FRMD4A: variants seen among roughly 807,000 people sequenced by gnomAD.
FRMD4A encodes the protein FERM domain containing 4A.
Under a neutral mutation model 129.1 loss-of-function variants are expected in FRMD4A, and 29 were observed. The observed-to-expected ratio is 0.22, with a 90% CI of 0.17 to 0.31. The LOEUF is 0.31. FRMD4A is among the 10% of genes least tolerant of loss of function. The pLI is 1.00. For missense variants in FRMD4A, 1,272 were observed against 1,375.8 expected (o/e 0.92, Z 1.19); for synonymous variants, 634 against 571.6 (o/e 1.11, Z -1.56).
intron 2 of FRMD4A, among the ~76,000 whole-genome samples, chr10:14,069,030 ACACCTC>A (rs1478502821): frequency 6.6e-6 from 1 of 151,944 alleles, no homozygotes; most frequent in East Asian, 1.9e-4. Flanking sequence ...CTTGTTTCCA[ACACCTC>A]CATCCCCACC....
intron 2 of FRMD4A, among the ~76,000 whole-genome samples, chr10:13,883,493 A>AAAAAC (rs998145378): frequency 6.6e-6 from 1 of 151,726 alleles, no homozygotes; most frequent in African/African-American, 2.4e-5. Flanking sequence ...CTTTGTCTCA[A>AAAAAC]AAAACAAACA....
At position 13,645,975 on chromosome 10, in the gene FRMD4A, T is replaced by A. The variant is rs915505857; in HGVS notation, c.*1063A>T. Reference sequence around the variant, plus strand: ...CATTATCACCTTACGTTACTACAAATCCTGAAAGGAAAGCAGCTTTGAGTC... The same window carrying A: ...CATTATCACCTTACGTTACTACAAAACCTGAAAGGAAAGCAGCTTTGAGTC... On this transcript the variant is annotated 3_prime_UTR_variant, in exon 25 of 25. Transcript: ENST00000357447. 2.0e-5 allele frequency: 3 copies of A among 152,510 alleles called. No individual in the cohort carries two copies. The highest frequency in any genetic ancestry group is 7.2e-5 in the African/African-American group (3 of 41,454). The allele number at this position is 152,510 out of a possible 1,614,324, so 9.4% of individuals were successfully genotyped here.
chr10:14,155,829 G>A (rs931044908), intron 2 of FRMD4A, among the ~76,000 whole-genome samples: 2 of 152,160 alleles, frequency 1.3e-5, no homozygotes, highest in Admixed American at 6.5e-5. Flanking sequence ...AGCATAATAA[G>A]TGTGCCACAT....
At chr10:13,860,749 C>A (rs1383300766) in intron 2 of FRMD4A, among the ~76,000 whole-genome samples, 1 of 152,152 alleles carries the variant, frequency 6.6e-6, no homozygotes, top group Non-Finnish European at 1.5e-5. Context: ...ACACACTTAG[C>A]ACAGTGCCTG....
intron 2 of FRMD4A, among the ~76,000 whole-genome samples, chr10:14,207,288 A>ATT (rs546827678): frequency 6.6e-6 from 1 of 151,980 alleles, no homozygotes; most frequent in African/African-American, 2.4e-5. Flanking sequence ...ATGAAAGACA[A>ATT]TTTTTCCACG....
chr10:14,307,928 C>G (rs1846407262), intron 2 of FRMD4A, among the ~76,000 whole-genome samples: 1 of 152,198 alleles, frequency 6.6e-6, no homozygotes, highest in Non-Finnish European at 1.5e-5. Context: ...TCTACCTTCT[C>G]ATTCTTTTCC....
chr10:13,783,628 G>GGTGTAAGGGCGTGCCGCGACCA, intron 5 of FRMD4A, among the ~76,000 whole-genome samples: 1 of 151,292 alleles, frequency 6.6e-6, no homozygotes, highest in African/African-American at 2.4e-5. Flanking sequence ...TCAGCCTCCC[G>GGTGTAAGGGCGTGCCGCGACCA]AAATGCTGGG....
chr10:13,929,174 G>C (rs1042343257), intron 2 of FRMD4A, among the ~76,000 whole-genome samples: 1 of 152,212 alleles, frequency 6.6e-6, no homozygotes, highest in Non-Finnish European at 1.5e-5. Flanking sequence ...GCTGCCACTT[G>C]ACATATAAAA....
intron 3 of FRMD4A, among the ~76,000 whole-genome samples, chr10:13,816,989 A>G (rs1413896731): frequency 6.6e-6 from 1 of 152,216 alleles, no homozygotes; most frequent in Non-Finnish European, 1.5e-5. Context: ...GCTTTGTTCA[A>G]TCAAATAGTT....
intron 2 of FRMD4A, among the ~76,000 whole-genome samples, chr10:13,995,486 G>A (rs1006360211): frequency 1.4e-4 from 22 of 152,344 alleles, no homozygotes; most frequent in African/African-American, 5.3e-4. Context: ...TTGGGAGGCT[G>A]AGGCACAAGA....
At chr10:14,010,625 G>A (rs1384974811) in intron 2 of FRMD4A, among the ~76,000 whole-genome samples, 13 of 145,550 alleles carry the variant, frequency 8.9e-5, no homozygotes, top group Admixed American at 6.3e-4. Context: ...CATGGGTGTC[G>A]GAGACTTACA....
At chr10:14,131,363 C>T (rs1244240996) in intron 2 of FRMD4A, among the ~76,000 whole-genome samples, 4 of 151,842 alleles carry the variant, frequency 2.6e-5, no homozygotes, top group South Asian at 2.1e-4. Flanking sequence ...GCCAACCTTC[C>T]GGCTGCTTTA....
At chr10:14,322,421 C>T (rs1414478835) in intron 2 of FRMD4A, among the ~76,000 whole-genome samples, 2 of 152,094 alleles carry the variant, frequency 1.3e-5, no homozygotes, top group Non-Finnish European at 2.9e-5. Flanking sequence ...GTGGAACAAG[C>T]AGGAGAATAA....
At chr10:14,043,679 G>A (rs1043712810) in intron 2 of FRMD4A, among the ~76,000 whole-genome samples, 5 of 152,210 alleles carry the variant, frequency 3.3e-5, no homozygotes, top group African/African-American at 7.2e-5. Flanking sequence ...TGCCTGGACA[G>A]GCACAGACAA....
At chr10:13,667,782 G>A (rs1476838622) in intron 17 of FRMD4A, 1 of 152,252 alleles carries the variant, frequency 6.6e-6, no homozygotes, top group African/African-American at 2.4e-5. Flanking sequence ...GGTCCTGCAA[G>A]GTGGGCATAT....
intron 2 of FRMD4A, among the ~76,000 whole-genome samples, chr10:13,933,920 T>A (rs781772805): frequency 9.9e-5 from 15 of 152,198 alleles, no homozygotes; most frequent in Non-Finnish European, 8.8e-5. Flanking sequence ...TCTAGAAATG[T>A]CACCAGGATA....
Position 14,287,072 on chromosome 10 carries a change from A to G in FRMD4A, c.45+42986T>C, listed in dbSNP as rs72778695. ...TAAAATTGCAAAGCAGGCAAAGTCT[A>G]TCTTCTGACTTCACCCACCAGTGTC... On this transcript the variant is annotated intron_variant, in intron 2 of 24. Coordinates refer to ENST00000357447, the MANE Select transcript of FRMD4A (RefSeq NM_018027.5). 5.9e-5 allele frequency among the ~76,000 whole-genome samples: 9 copies of G among 152,224 alleles called. No individual in the cohort carries two copies. In the South Asian group the frequency reaches 1.5e-3, roughly 25 times the overall value.
intron 2 of FRMD4A, among the ~76,000 whole-genome samples, chr10:14,317,921 T>C (rs1222241550): frequency 6.6e-6 from 1 of 152,068 alleles, no homozygotes; most frequent in Non-Finnish European, 1.5e-5. Flanking sequence ...TGCTAGAAAA[T>C]TCAAAGTATA....
At chr10:14,282,941 A>G (rs1180438025) in intron 2 of FRMD4A, among the ~76,000 whole-genome samples, 1 of 152,178 alleles carries the variant, frequency 6.6e-6, no homozygotes, top group Admixed American at 6.5e-5. Flanking sequence ...CTTAGCTACA[A>G]CCAGAAAAAG....
Sources: gnomAD v4.1 joint callset for allele counts (sites outside exome capture counted in the v4.1 genomes callset) on GRCh38, gnomAD v4.1.1 for gene constraint, MANE v1.5 for transcripts, NCBI Gene and HGNC (gene_info 2026-07-23, HGNC 2026-07-21) for gene names.